ADGRA1: variants seen among roughly 807,000 people sequenced by gnomAD.
The protein encoded by ADGRA1 is adhesion G protein-coupled receptor A1.
ADGRA1 carries 12 observed loss-of-function variants against 21.3 expected under a neutral mutation model. That is an observed-to-expected ratio of 0.56 (90% confidence interval 0.36 to 0.91). The LOEUF (loss-of-function observed/expected upper bound fraction) is 0.91. Ranked by LOEUF, ADGRA1 falls within the 40% of genes least tolerant of loss-of-function variation. The pLI, the probability that ADGRA1 is intolerant of heterozygous loss-of-function variation, is 0.01. For missense variants in ADGRA1, 790 were observed against 805.6 expected (o/e 0.98, Z 0.23); for synonymous variants, 385 against 368.8 (o/e 1.04, Z -0.50).
chr10:133,092,784 A>AGGAAGGAG (rs1851619110), intron 2 of ADGRA1, among the ~76,000 whole-genome samples: 2 of 101,968 alleles, frequency 2.0e-5, no homozygotes, highest in Admixed American at 2.1e-4. Context: ...GAAGGAAGGA[A>AGGAAGGAG]GGAAGGAAGG....
chr10:133,106,697 A>G (rs1851899296), intron 5 of ADGRA1, among the ~76,000 whole-genome samples: 1 of 152,250 alleles, frequency 6.6e-6, no homozygotes, highest in Admixed American at 6.5e-5. Flanking sequence ...GATCCTGTCG[A>G]GGTGAGGCCT....
At position 133,111,240 on chromosome 10, in the gene ADGRA1, A is replaced by C. The variant is rs12414869; in HGVS notation, c.401+8398A>C. Among the ~76,000 whole-genome samples the C allele has an allele frequency of 2.1e-3, 91 of 42,398 alleles. 4 individuals are homozygous for C. The highest frequency in any genetic ancestry group is 2.3e-3 in the South Asian group (2 of 854). The allele number at this position is 42,398 out of a possible 152,430, so 27.8% of individuals were successfully genotyped here. ...CCACAGGCACCTCCCTCCTAATCCC[A>C]CCAGACAACCTGCCCACCACAGGCA... On this transcript the variant is annotated intron_variant, in intron 5 of 6. Coordinates refer to ENST00000392607, the MANE Select transcript of ADGRA1 (RefSeq NM_001083909.3).
rs556675844 is a variant in ADGRA1 at position 133,126,937 on chromosome 10, C to A, written c.402-296C>A. On this transcript the variant is annotated intron_variant, in intron 5 of 6. Coordinates refer to ENST00000392607, the MANE Select transcript of ADGRA1 (RefSeq NM_001083909.3). Reference sequence around the variant, plus strand: ...GAGCAGTCCCGCCTGTAGCCAGGGGCTCCCTGCAGTTGCAGAGAAGTCCGC... The same window carrying A: ...GAGCAGTCCCGCCTGTAGCCAGGGGATCCCTGCAGTTGCAGAGAAGTCCGC... 9.2e-5 allele frequency among the ~76,000 whole-genome samples: 14 copies of A among 152,320 alleles called. No individual in the cohort carries two copies. In the South Asian group the frequency reaches 2.9e-3, roughly 32 times the overall value.
chr10:133,121,954 TGTGA>T lies in ADGRA1; in HGVS notation c.402-5275_402-5272del, dbSNP rs1196103268. Among the ~76,000 whole-genome samples, 4 of 149,104 alleles carry T rather than the reference TGTGA, an allele frequency of 2.7e-5. No homozygotes were observed. In the East Asian group the frequency reaches 8.5e-4, roughly 32 times the overall value. ...GCCAGTGTGTGTGTGAGTGTGCTTG[TGTGA>T]GTGTGCATGCCTGTGTGTATGTGTG... is the stretch of plus-strand genomic sequence containing the variant. On this transcript the variant is annotated intron_variant, in intron 5 of 6. Coordinates refer to ENST00000392607, the MANE Select transcript of ADGRA1 (RefSeq NM_001083909.3).
At chr10:133,107,457 T>C (rs1049417082) in intron 5 of ADGRA1, among the ~76,000 whole-genome samples, 1 of 152,152 alleles carries the variant, frequency 6.6e-6, no homozygotes, top group Non-Finnish European at 1.5e-5. Flanking sequence ...CCAGTTTGAG[T>C]TTCATTGATG....
chr10:133,093,398 G>C (rs1298445331), intron 2 of ADGRA1: 32 of 1,096,356 alleles, frequency 2.9e-5, no homozygotes, highest in Non-Finnish European at 3.7e-5. Context: ...ATTAAAATGA[G>C]GGAAAACAGA....
intron 5 of ADGRA1, among the ~76,000 whole-genome samples, chr10:133,116,868 G>A (rs539476387): frequency 3.3e-5 from 5 of 152,298 alleles, no homozygotes; most frequent in East Asian, 3.9e-4. Flanking sequence ...GAACCCAAGC[G>A]AATGAGGAAC....
intron 2 of ADGRA1, among the ~76,000 whole-genome samples, chr10:133,091,202 A>G (rs922951314): frequency 1.3e-5 from 2 of 152,228 alleles, no homozygotes; most frequent in Admixed American, 1.3e-4. Context: ...TTGAGGCTGA[A>G]AAGCCACAGA....
intron 5 of ADGRA1, among the ~76,000 whole-genome samples, chr10:133,113,867 C>T (rs969377758): frequency 2.6e-5 from 4 of 152,236 alleles, no homozygotes; most frequent in Admixed American, 1.3e-4. Flanking sequence ...GACCCTCGGA[C>T]GTCAGGCCAG....
chr10:133,112,636 C>T (rs117706055), intron 5 of ADGRA1, among the ~76,000 whole-genome samples: 14,438 of 113,644 alleles, frequency 0.13, 1,975 homozygotes, highest in East Asian at 0.53. Context: ...TTGGGGTCTA[C>T]GGGCCGCGTC....
intron 5 of ADGRA1, among the ~76,000 whole-genome samples, chr10:133,117,351 C>G (rs1438621787): frequency 2.0e-5 from 3 of 152,194 alleles, no homozygotes; most frequent in Non-Finnish European, 4.4e-5. Context: ...TGAGTGAGTG[C>G]CCGGGGTGCC....
At chr10:133,122,727 G>T (rs1274460596) in intron 5 of ADGRA1, among the ~76,000 whole-genome samples, 3 of 152,136 alleles carry the variant, frequency 2.0e-5, no homozygotes, top group Admixed American at 2.0e-4. Context: ...AGAACCTTGG[G>T]GCCGGCCCCA....
intron 5 of ADGRA1, among the ~76,000 whole-genome samples, chr10:133,117,945 C>G (rs1287465345): frequency 6.6e-6 from 1 of 152,244 alleles, no homozygotes; most frequent in Non-Finnish European, 1.5e-5. Context: ...CTGTCTGGGA[C>G]AGCAGCTGGG....
At chr10:133,114,755 C>T (rs998722490) in intron 5 of ADGRA1, among the ~76,000 whole-genome samples, 18 of 152,202 alleles carry the variant, frequency 1.2e-4, no homozygotes, top group African/African-American at 3.1e-4. Context: ...CCAGGGATCA[C>T]GATCTCACAG....
chr10:133,101,228 C>T (rs980573853), intron 4 of ADGRA1, among the ~76,000 whole-genome samples: 2 of 152,076 alleles, frequency 1.3e-5, no homozygotes, highest in African/African-American at 2.4e-5. Context: ...GTCACACCCA[C>T]CTTCCTGCCC....
chr10:133,129,535 C>A lies in ADGRA1; in HGVS notation c.*24C>A. The A allele has an allele frequency of 1.3e-6, 2 of 1,547,562 alleles. No homozygotes were observed. Among genetic ancestry groups the A allele is most frequent in the South Asian group, 1.2e-5 (1 of 83,724 alleles). ...AGATGGGGGCAGAGGACACGGTGTT[C>A]CTGGAGGAGCTTCAGAGCAGAGTGG... is the stretch of plus-strand genomic sequence containing the variant. On this transcript the variant is annotated 3_prime_UTR_variant, in exon 7 of 7. Transcript: ENST00000392607.
intron 4 of ADGRA1, among the ~76,000 whole-genome samples, chr10:133,101,687 A>G (rs1463917200): frequency 6.6e-6 from 1 of 152,116 alleles, no homozygotes; most frequent in Non-Finnish European, 1.5e-5. Flanking sequence ...ACGGTGCCCC[A>G]TGGTTTCCAG....
intron 5 of ADGRA1, among the ~76,000 whole-genome samples, chr10:133,103,652 G>A (rs1032599015): frequency 6.6e-5 from 10 of 152,318 alleles, no homozygotes; most frequent in African/African-American, 4.8e-5. Flanking sequence ...GAACCCAGAC[G>A]TCCACGTCTG....
At position 133,103,348 on chromosome 10, in the gene ADGRA1, G is replaced by A. The variant is rs186294697; in HGVS notation, c.401+506G>A. On this transcript the variant is annotated intron_variant, in intron 5 of 6. Coordinates refer to ENST00000392607, the MANE Select transcript of ADGRA1 (RefSeq NM_001083909.3). ...ATCAGGCAGCTGACTGTCAGCGGGT[G>A]GAAAACCTCACACACTCAGGCACTC... Among the ~76,000 whole-genome samples the A allele has an allele frequency of 1.9e-3, 287 of 152,318 alleles. 2 individuals are homozygous for A. Among genetic ancestry groups the A allele is most frequent in the African/African-American group, 6.3e-3 (262 of 41,592 alleles).
Sources: gnomAD v4.1 joint callset for allele counts (sites outside exome capture counted in the v4.1 genomes callset) on GRCh38, gnomAD v4.1.1 for gene constraint, MANE v1.5 for transcripts, NCBI Gene and HGNC (gene_info 2026-07-23, HGNC 2026-07-21) for gene names.